The following ABTB2 variants were observed in gnomAD, a reference collection of about 807,000 sequenced individuals.
The protein encoded by ABTB2 is ankyrin repeat and BTB domain containing 2.
A neutral mutation model predicts 104.1 loss-of-function variants in ABTB2; 56 were observed. That is an observed-to-expected ratio of 0.54 (90% CI 0.43 to 0.67). The LOEUF (loss-of-function observed/expected upper bound fraction) is 0.67. Ranked by LOEUF, ABTB2 falls within the 30% of genes least tolerant of loss-of-function variation. ABTB2 has a pLI of 0.00. For synonymous variants in ABTB2, 606 were observed against 608.2 expected (o/e 1.00, Z 0.05); for missense variants, 1,279 against 1,407.7 (o/e 0.91, Z 1.46).
At chr11:34,208,886 G>GC (rs113372996) in intron 1 of ABTB2, among the ~76,000 whole-genome samples, 1 of 151,504 alleles carries the variant, frequency 6.6e-6, no homozygotes, top group South Asian at 2.1e-4. Flanking sequence ...ATCTTCCCCT[G>GC]CCCCCCTGGA....
intron 1 of ABTB2, among the ~76,000 whole-genome samples, chr11:34,217,010 C>T (rs56404432): frequency 0.056 from 8,584 of 152,212 alleles, 820 homozygotes; most frequent in African/African-American, 0.19. Context: ...CAACCTCATC[C>T]TAGAAATTTC....
intron 3 of ABTB2, among the ~76,000 whole-genome samples, chr11:34,194,775 GGT>G (rs1853226920): frequency 1.5e-5 from 1 of 68,678 alleles, no homozygotes; most frequent in African/African-American, 9.6e-5. Flanking sequence ...TTAAAAATTT[GGT>G]TTTTTTTTTT....
chr11:34,328,041 G>A (rs1590258017), intron 1 of ABTB2, among the ~76,000 whole-genome samples: 1 of 152,172 alleles, frequency 6.6e-6, no homozygotes, highest in Admixed American at 6.5e-5. Flanking sequence ...TCAGCCCTAA[G>A]CAACTCTGAC....
At chr11:34,166,717 T>G (rs1846976678) in intron 7 of ABTB2, among the ~76,000 whole-genome samples, 1 of 152,220 alleles carries the variant, frequency 6.6e-6, no homozygotes, top group African/African-American at 2.4e-5. Context: ...GCCCACAGCT[T>G]CTGCTTCTAG....
intron 1 of ABTB2, among the ~76,000 whole-genome samples, chr11:34,289,141 T>C (rs766256130): frequency 2.0e-5 from 3 of 152,226 alleles, no homozygotes; most frequent in Non-Finnish European, 4.4e-5. Context: ...TTCTTATGCT[T>C]CTAGGTCCAG....
intron 1 of ABTB2, among the ~76,000 whole-genome samples, chr11:34,264,489 G>C (rs116164205): frequency 6.6e-6 from 1 of 152,232 alleles, no homozygotes; most frequent in African/African-American, 2.4e-5. Context: ...CCAGCTACTC[G>C]AGGGAGACCT....
intron 1 of ABTB2, among the ~76,000 whole-genome samples, chr11:34,295,113 G>A (rs931901296): frequency 2.0e-5 from 3 of 152,176 alleles, no homozygotes; most frequent in East Asian, 1.9e-4. Context: ...GAGCCCAGGA[G>A]TTTGAGGCTG....
intron 3 of ABTB2, among the ~76,000 whole-genome samples, chr11:34,182,120 G>A (rs1853035830): frequency 6.6e-6 from 1 of 152,232 alleles, no homozygotes; most frequent in South Asian, 2.1e-4. Flanking sequence ...GGTCAGGGCT[G>A]GCTCTGCAGG....
At chr11:34,279,838 G>C (rs1224036350) in intron 1 of ABTB2, among the ~76,000 whole-genome samples, 1 of 142,698 alleles carries the variant, frequency 7.0e-6, no homozygotes, top group Non-Finnish European at 1.5e-5. Context: ...ACCCAGGCTG[G>C]AGTGCAATGG....
intron 4 of ABTB2, among the ~76,000 whole-genome samples, chr11:34,171,731 T>C (rs1852876725): frequency 6.6e-6 from 1 of 152,020 alleles, no homozygotes; most frequent in Non-Finnish European, 1.5e-5. Context: ...CTTGGCTGTA[T>C]ACTGTTTGTG....
chr11:34,246,131 C>T (rs565279646), intron 1 of ABTB2, among the ~76,000 whole-genome samples: 1 of 152,188 alleles, frequency 6.6e-6, no homozygotes, highest in African/African-American at 2.4e-5. Context: ...TTTCTCTCTT[C>T]CTAAAAGACA....
chr11:34,161,631 C>T (rs1199233088), intron 10 of ABTB2, among the ~76,000 whole-genome samples: 1 of 152,194 alleles, frequency 6.6e-6, no homozygotes, highest in African/African-American at 2.4e-5. Flanking sequence ...ACTGGAAAGC[C>T]GCTGCACATC....
intron 1 of ABTB2, among the ~76,000 whole-genome samples, chr11:34,269,001 T>TG (rs1310116392): frequency 1.3e-5 from 2 of 152,204 alleles, no homozygotes; most frequent in Non-Finnish European, 2.9e-5. Flanking sequence ...ACATATCTTC[T>TG]GGGGGACATG....
At chr11:34,229,299 G>T (rs185343416) in intron 1 of ABTB2, among the ~76,000 whole-genome samples, 2 of 151,362 alleles carry the variant, frequency 1.3e-5, no homozygotes, top group East Asian at 1.9e-4. Context: ...TGGCTAACAC[G>T]ATGAAACCCG....
chr11:34,190,041 A>G (rs1262470721), intron 3 of ABTB2, among the ~76,000 whole-genome samples: 15 of 152,284 alleles, frequency 9.9e-5, no homozygotes, highest in Admixed American at 9.2e-4. Flanking sequence ...GGAGTTTGAG[A>G]CCAGCCTGGC....
chr11:34,229,417 C>G (rs1462376101), intron 1 of ABTB2, among the ~76,000 whole-genome samples: 4 of 145,564 alleles, frequency 2.7e-5, no homozygotes, highest in Non-Finnish European at 4.5e-5. Flanking sequence ...GGAGGTGGAG[C>G]TTGCAGTGAG....
At chr11:34,305,346 T>C (rs536076043) in intron 1 of ABTB2, among the ~76,000 whole-genome samples, 3 of 152,342 alleles carry the variant, frequency 2.0e-5, no homozygotes, top group Admixed American at 6.5e-5. Context: ...ACACATTCGC[T>C]CTGATACCTG....
rs1356141843 is a variant in ABTB2, at chr11:34,357,836, C to T, written c.-253G>A. The T allele has an allele frequency of 1.7e-5, 8 of 484,368 alleles. No homozygotes were observed. Among genetic ancestry groups the T allele is most frequent in the Non-Finnish European group, 2.9e-5 (8 of 273,404 alleles). The allele number at this position is 484,368 out of a possible 1,614,324, so 30.0% of individuals were successfully genotyped here. A position where few individuals can be genotyped will look rare whatever the true frequency, so the allele number is the denominator to read the frequency against. The stretch of plus-strand genomic sequence containing the variant: ...TGGAAAGAACCCCGTCGCTACCCCC[C>T]GGCACTCCCCCTTGTCCACCTCTAA... On this transcript the variant is annotated 5_prime_UTR_variant, in exon 1 of 17. Transcript: ENST00000435224.
rs1250914978 is a variant in ABTB2, at chr11:34,167,258, C to T, written c.1755+1G>A. Reference sequence around the variant, plus strand: ...ATGGTGTTCACCTGGCAGGAGCTCACCTGGACCACAGAGATGTGTCCATGC... The same window carrying T: ...ATGGTGTTCACCTGGCAGGAGCTCATCTGGACCACAGAGATGTGTCCATGC... On this transcript the variant is annotated splice_donor_variant, in intron 7 of 16. Transcript: ENST00000435224. LOFTEE classifies it high-confidence loss of function. 2 of 1,607,320 alleles carry T rather than the reference C, an allele frequency of 1.2e-6. No individual in the cohort carries two copies. The highest frequency in any genetic ancestry group is 1.7e-5 in the Admixed American group (1 of 59,222).
Sources: gnomAD v4.1 joint callset for allele counts (sites outside exome capture counted in the v4.1 genomes callset) on GRCh38, gnomAD v4.1.1 for gene constraint, MANE v1.5 for transcripts, NCBI Gene and HGNC (gene_info 2026-07-23, HGNC 2026-07-21) for gene names.